The following PTPDC1 variants were observed in gnomAD, a reference collection of about 807,000 sequenced individuals.
The protein encoded by PTPDC1 is protein tyrosine phosphatase domain-containing protein 1.
PTPDC1 carries 53 observed loss-of-function variants against 75.3 expected under a neutral mutation model. The ratio of observed to expected loss-of-function variants is 0.70; its 90% CI spans 0.56 to 0.88. The LOEUF (loss-of-function observed/expected upper bound fraction) is 0.88, where lower values mean the gene tolerates loss of function less well. Among genes scored for constraint, PTPDC1 ranks in the 40% least tolerant of loss-of-function variants. PTPDC1 has a pLI of 0.00. For missense variants in PTPDC1, 925 were observed against 998.6 expected (o/e 0.93, Z 0.99); for synonymous variants, 349 against 366.2 (o/e 0.95, Z 0.54).
chr9:94,042,554 A>G (rs959533561), intron 1 of PTPDC1, among the ~76,000 whole-genome samples: 1 of 152,232 alleles, frequency 6.6e-6, no homozygotes, highest in Non-Finnish European at 1.5e-5. Context: ...AAATATTGCT[A>G]CAAAATACTA....
rs529501243 is a variant in PTPDC1 at position 94,039,077 on chromosome 9, G to A, written c.-7+7950G>A. Reference sequence around the variant, plus strand: ...TGGTCTTTAAAGAGCCATTCAGAAAGATAAAACTGTAGAACTGCTGTGTAT... The same window carrying A: ...TGGTCTTTAAAGAGCCATTCAGAAAAATAAAACTGTAGAACTGCTGTGTAT... On this transcript the variant is annotated intron_variant, in intron 1 of 9. Coordinates refer to the PTPDC1 transcript ENST00000375360. Among the ~76,000 whole-genome samples, 6 of 152,316 alleles carry A rather than the reference G, an allele frequency of 3.9e-5. No individual in the cohort carries two copies. In the South Asian group the frequency reaches 1.2e-3, roughly 32 times the overall value.
Position 94,057,974 on chromosome 9 carries a change from A to G in PTPDC1, c.-6-6760A>G, listed in dbSNP as rs374356374. ...AACTGGACAACATATATAATAAAAT[A>G]TCTTTTGGATTTTGGAAAGAAAGCA... On this transcript the variant is annotated intron_variant, in intron 1 of 9. Transcript: ENST00000375360. Among the ~76,000 whole-genome samples the G allele has an allele frequency of 6.6e-5, 10 of 152,324 alleles. No individual in the cohort carries two copies. The East Asian group carries it at 1.2e-3, about 18-fold the overall frequency.
intron 8 of PTPDC1, among the ~76,000 whole-genome samples, chr9:94,105,225 C>T (rs1185771527): frequency 6.6e-6 from 1 of 152,208 alleles, no homozygotes; most frequent in Non-Finnish European, 1.5e-5. Context: ...TTCTATGGCA[C>T]TAACCACTGA....
chr9:94,065,103 C>T (rs1826261529), intron 2 of PTPDC1, among the ~76,000 whole-genome samples: 1 of 152,276 alleles, frequency 6.6e-6, no homozygotes, highest in Admixed American at 6.5e-5. Flanking sequence ...CAAAGGCCTA[C>T]TTATGAATCA....
intron 1 of PTPDC1, among the ~76,000 whole-genome samples, chr9:94,042,601 T>C (rs1388031219): frequency 6.6e-6 from 1 of 152,224 alleles, no homozygotes; most frequent in Non-Finnish European, 1.5e-5. Context: ...GTAATCTGTT[T>C]TGGTTTAGGG....
chr9:94,039,578 A>G (rs1173235653), intron 1 of PTPDC1, among the ~76,000 whole-genome samples: 1 of 152,092 alleles, frequency 6.6e-6, no homozygotes, highest in Non-Finnish European at 1.5e-5. Flanking sequence ...AAGCTCAGGA[A>G]TTCAAGACCA....
intron 8 of PTPDC1, among the ~76,000 whole-genome samples, chr9:94,105,971 T>C (rs1312208552): frequency 6.7e-6 from 1 of 149,718 alleles, no homozygotes; most frequent in East Asian, 1.9e-4. Flanking sequence ...AGACTCCATC[T>C]CAAAAAAAAA....
rs140027647 is a variant in PTPDC1 at position 94,053,629 on chromosome 9, G to A, written c.-6-11105G>A. 1.4e-3 allele frequency among the ~76,000 whole-genome samples: 210 copies of A among 152,264 alleles called. 1 individual carries two copies. Among genetic ancestry groups the A allele is most frequent in the Admixed American group, 6.1e-3 (94 of 15,286 alleles). ...AAATATGTAATTGATACTAGGGAAG[G>A]CATCCTAAAGGAGAGAAAATTGGGC... is the stretch of plus-strand genomic sequence containing the variant. On this transcript the variant is annotated intron_variant, in intron 1 of 9. Coordinates refer to the PTPDC1 transcript ENST00000375360.
intron 2 of PTPDC1, among the ~76,000 whole-genome samples, chr9:94,072,540 T>C (rs1438040674): frequency 6.6e-6 from 1 of 152,086 alleles, no homozygotes; most frequent in Non-Finnish European, 1.5e-5. Flanking sequence ...TTTCTTGCCT[T>C]ATCATAGTAG....
chr9:94,074,309 T>G (rs898499282), intron 2 of PTPDC1, among the ~76,000 whole-genome samples: 1 of 152,122 alleles, frequency 6.6e-6, no homozygotes, highest in Non-Finnish European at 1.5e-5. Flanking sequence ...GAATTTCAGC[T>G]CTCTCACCAG....
intron 8 of PTPDC1, among the ~76,000 whole-genome samples, chr9:94,104,811 G>A (rs558647941): frequency 1.3e-5 from 2 of 152,138 alleles, no homozygotes; most frequent in South Asian, 4.2e-4. Flanking sequence ...AGTCCTGGTT[G>A]GCAAATCCTA....
chr9:94,078,342 C>G (rs1326825061), intron 2 of PTPDC1, among the ~76,000 whole-genome samples: 1 of 152,144 alleles, frequency 6.6e-6, no homozygotes, highest in Non-Finnish European at 1.5e-5. Flanking sequence ...CCTCTACTTT[C>G]TGGTCTCCAT....
chr9:94,101,478 C>T (rs1047087869), intron 6 of PTPDC1, 88 bp from the exon 7 acceptor site: 2 of 997,958 alleles, frequency 2.0e-6, no homozygotes, highest in Admixed American at 2.3e-5. Context: ...GTGGGCAGCG[C>T]AAGAATCATG....
At position 94,108,435 on chromosome 9, in the gene PTPDC1, T is replaced by C. The variant is rs1188763897; in HGVS notation, c.*491T>C. 2 of 152,684 alleles carry C rather than the reference T, an allele frequency of 1.3e-5. No individual in the cohort carries two copies. The highest frequency in any genetic ancestry group is 3.8e-4 in the East Asian group (2 of 5,200). 9.5% of individuals were successfully genotyped at this position (152,684 alleles called of 1,614,324 possible). A position where few individuals can be genotyped will look rare whatever the true frequency, so the allele number is the denominator to read the frequency against. On this transcript the variant is annotated 3_prime_UTR_variant, in exon 9 of 9. Coordinates refer to ENST00000620992, the MANE Select transcript of PTPDC1 (RefSeq NM_001253829.2). ...TTTATATTTGTTACGAAGAAGGCTA[T>C]TGCTACAATATTTTTAAAGGTTTCT... is the stretch of plus-strand genomic sequence containing the variant.
chr9:94,090,401 G>A (rs900260820), intron 4 of PTPDC1, among the ~76,000 whole-genome samples: 18 of 151,218 alleles, frequency 1.2e-4, no homozygotes, highest in Admixed American at 5.3e-4. Flanking sequence ...GATATGTGGC[G>A]TTATTTCTGA....
At chr9:94,057,859 A>G (rs1314968644) in intron 1 of PTPDC1, among the ~76,000 whole-genome samples, 1 of 152,258 alleles carries the variant, frequency 6.6e-6, no homozygotes, top group Non-Finnish European at 1.5e-5. Context: ...AGTTATTTGA[A>G]GATGGCCAGA....
At chr9:94,043,510 C>G (rs1329041494) in intron 1 of PTPDC1, among the ~76,000 whole-genome samples, 2 of 152,062 alleles carry the variant, frequency 1.3e-5, no homozygotes, top group Non-Finnish European at 2.9e-5. Context: ...TATACCCTTC[C>G]TCTTTGCTCC....
intron 1 of PTPDC1, among the ~76,000 whole-genome samples, chr9:94,060,571 C>T (rs1438212126): frequency 6.6e-6 from 1 of 152,164 alleles, no homozygotes; most frequent in Admixed American, 6.5e-5. Context: ...AATTGGCTCA[C>T]AGTTCTGCAG....
chr9:94,084,566 C>T lies in PTPDC1; in HGVS notation c.36C>T (p.Ala12=), dbSNP rs767825664. 1.3e-5 allele frequency: 21 copies of T among 1,613,170 alleles called. No homozygotes were observed. In the South Asian group the frequency reaches 1.5e-4, roughly 12 times the overall value. Reference sequence around the variant, plus strand: ...AGGATGCAACCAGGCGGCCCTCAGCCGTGCGCTTCCTCAGCTCCTTTCTCC... The same window carrying T: ...AGGATGCAACCAGGCGGCCCTCAGCTGTGCGCTTCCTCAGCTCCTTTCTCC... The part of the protein sequence containing the change: ...QVQDATRRPS[A]VRFLSSFLQG... Residue 12 remains alanine, a synonymous_variant, in exon 1 of 9, where the codon GCC becomes GCT. Coordinates refer to ENST00000620992, the MANE Select transcript of PTPDC1 (RefSeq NM_001253829.2).
Sources: allele counts gnomAD v4.1 joint callset (sites outside exome capture counted in the v4.1 genomes callset), GRCh38; gene constraint gnomAD v4.1.1; transcripts MANE v1.5; gene names NCBI Gene and HGNC (gene_info 2026-07-23, HGNC 2026-07-21).